The following KISS1R variants were observed in gnomAD, a reference collection of about 807,000 sequenced individuals.
The protein encoded by KISS1R is KISS1 receptor.
A neutral mutation model predicts 22.0 loss-of-function variants in KISS1R; 19 were observed. The observed-to-expected ratio is 0.86, with a 90% confidence interval of 0.60 to 1.26. KISS1R has a LOEUF of 1.26. Among genes scored for constraint, KISS1R ranks in the 50% most tolerant of loss-of-function variants. The pLI is 0.00. For synonymous variants in KISS1R, 302 were observed against 283.9 expected (o/e 1.06, Z -0.64); for missense variants, 653 against 581.9 (o/e 1.12, Z -1.26).
chr19:920,123 G>A lies in KISS1R; in HGVS notation c.738+17G>A, dbSNP rs933708352. 1.0e-5 allele frequency: 15 copies of A among 1,488,188 alleles called. No homozygotes were observed. In the East Asian group the frequency reaches 3.6e-4, roughly 36 times the overall value. 92.2% of individuals were successfully genotyped at this position (1,488,188 alleles called of 1,614,324 possible). ...GCCCTGCAGGTGCGCGGCGTGGGTG[G>A]GAGGACAGCAAGGCTGGGCGGGCGG... On this transcript the variant is annotated intron_variant, in intron 4 of 4. Transcript: ENST00000234371.
rs2037065549 is a variant in KISS1R, at chr19:917,499, G to A, written c.-4G>A. 1.4e-6 allele frequency: 2 copies of A among 1,458,640 alleles called. No individual in the cohort carries two copies. The highest frequency in any genetic ancestry group is 2.7e-5 in the South Asian group (2 of 73,992). The allele number at this position is 1,458,640 out of a possible 1,614,324, so 90.4% of individuals were successfully genotyped here. A position where few individuals can be genotyped will look rare whatever the true frequency, so the allele number is the denominator to read the frequency against. On this transcript the variant is annotated 5_prime_UTR_variant, in exon 1 of 5. Coordinates refer to ENST00000234371, the MANE Select transcript of KISS1R (RefSeq NM_032551.5). The stretch of plus-strand genomic sequence containing the variant: ...GCGGCCGGGAGGAGGAGGTGCGCGC[G>A]GCCATGCACACCGTGGCTACGTCCG...
rs1276848148 is a variant in KISS1R, at chr19:920,110, C to A, written c.738+4C>A. On this transcript the variant is annotated splice_donor_region_variant and intron_variant, in intron 4 of 4. Coordinates refer to ENST00000234371, the MANE Select transcript of KISS1R (RefSeq NM_032551.5). ...GCCCGCCGATAGCGCCCTGCAGGTG[C>A]GCGGCGTGGGTGGGAGGACAGCAAG... 6.7e-7 allele frequency: 1 copy of A among 1,495,996 alleles called. No individual in the cohort carries two copies. Among genetic ancestry groups the A allele is most frequent in the Non-Finnish European group, 8.8e-7 (1 of 1,131,152 alleles). The allele number at this position is 1,495,996 out of a possible 1,614,324, so 92.7% of individuals were successfully genotyped here. A position where few individuals can be genotyped will look rare whatever the true frequency, so the allele number is the denominator to read the frequency against.
Position 920,069 on chromosome 19 carries a change from T to C in KISS1R, c.701T>C (p.Val234Ala), listed in dbSNP as rs1312068530. The change falls in exon 4 of 5, where the codon GTC becomes GCC. Residue 234 changes from valine to alanine, a missense_variant. Val to Ala is a moderately conservative substitution (Grantham distance 64). Coordinates refer to ENST00000234371, the MANE Select transcript of KISS1R (RefSeq NM_032551.5). ...YAAMLRHLGR[V>A]AVRPAPADSA... is the part of the protein sequence containing the mutation. ...GCCATGCTGCGCCACCTGGGCCGGG[T>C]CGCCGTGCGCCCCGCGCCCGCCGAT... 2 of 1,523,206 alleles carry C rather than the reference T, an allele frequency of 1.3e-6. No individual in the cohort carries two copies. Among genetic ancestry groups the C allele is most frequent in the Non-Finnish European group, 8.8e-7 (1 of 1,141,726 alleles). The allele number at this position is 1,523,206 out of a possible 1,614,324, so 94.4% of individuals were successfully genotyped here. A position where few individuals can be genotyped will look rare whatever the true frequency, so the allele number is the denominator to read the frequency against.
rs763274362 is a variant in KISS1R, at chr19:917,480, G to C, written c.-23G>C. 7 of 1,441,778 alleles carry C rather than the reference G, an allele frequency of 4.9e-6. 1 individual carries two copies. The highest frequency in any genetic ancestry group is 4.2e-5 in the South Asian group (3 of 71,156). 89.3% of individuals were successfully genotyped at this position (1,441,778 alleles called of 1,614,324 possible). On this transcript the variant is annotated 5_prime_UTR_variant, in exon 1 of 5. Coordinates refer to ENST00000234371, the MANE Select transcript of KISS1R (RefSeq NM_032551.5). ...CAGGGCGCAATCCTGGAGGGCGGCC[G>C]GGAGGAGGAGGTGCGCGCGGCCATG... is the stretch of plus-strand genomic sequence containing the variant.
At chr19:919,445 C>T (rs1434765406) in intron 2 of KISS1R, 45 bp from the exon 3 acceptor site, 2 of 1,537,256 alleles carry the variant, frequency 1.3e-6, no homozygotes, top group Admixed American at 1.9e-5. Context: ...AGGGCAGGCT[C>T]CCAACCGCGC....
chr19:920,404 C>T lies in KISS1R; in HGVS notation c.853C>T (p.Leu285=), dbSNP rs371474763. The T allele has an allele frequency of 2.5e-6, 4 of 1,603,428 alleles. No individual in the cohort carries two copies. The highest frequency in any genetic ancestry group is 1.3e-5 in the African/African-American group (1 of 74,364). Residue 285 remains leucine, a synonymous_variant, in exon 5 of 5, where the codon CTG becomes TTG. Transcript: ENST00000234371. ...CWGPIQLFLV[L]QALGPAGSWH... ...GGGCCCCATCCAGCTGTTCCTGGTG[C>T]TGCAGGCGCTGGGCCCCGCGGGCTC...
In KISS1R at chr19:917,751, G is replaced by A. The variant is rs773348710; in HGVS notation, c.244+5G>A. On this transcript the variant is annotated splice_donor_5th_base_variant and intron_variant, in intron 1 of 4. Transcript: ENST00000234371. ...CCGTGACCAACTTCTACATCGGTGA[G>A]TGCGGGCGCTGCGCCGCACCTGCTG... The A allele has an allele frequency of 5.0e-6, 8 of 1,596,840 alleles. No homozygotes were observed. The highest frequency in any genetic ancestry group is 1.7e-5 in the Admixed American group (1 of 59,126).
At position 920,727 on chromosome 19, in the gene KISS1R, G is replaced by A. The variant is rs1458603042; in HGVS notation, c.1176G>A (p.Gly392=). The change falls in exon 5 of 5, where the codon GGG becomes GGA. Residue 392 remains glycine, a synonymous_variant. Coordinates refer to ENST00000234371, the MANE Select transcript of KISS1R (RefSeq NM_032551.5). ...CCGCGCGCGGGCTGTGCGTCCTGGG[G>A]GAGGACAACGCCCCTCTCTGAGCGG... The part of the protein sequence containing the change: ...GLAARGLCVL[G]EDNAPL The A allele has an allele frequency of 3.9e-6, 5 of 1,297,180 alleles. No homozygotes were observed. In the East Asian group the frequency reaches 8.7e-5, roughly 23 times the overall value. The allele number at this position is 1,297,180 out of a possible 1,614,324, so 80.4% of individuals were successfully genotyped here.
intron 1 of KISS1R, 124 bp from the exon 2 acceptor site, chr19:918,418 GGC>G: frequency 1.8e-6 from 2 of 1,120,118 alleles, no homozygotes; most frequent in Non-Finnish European, 2.5e-6. Context: ...GGGAGGGGGG[GGC>G]CTCCCTGAGC....
Position 919,490 on chromosome 19 carries a change from G to T in KISS1R, c.370G>T (p.Val124Phe). The T allele has an allele frequency of 1.3e-6, 2 of 1,549,190 alleles. No homozygotes were observed. Among genetic ancestry groups the T allele is most frequent in the Non-Finnish European group, 1.7e-6 (2 of 1,153,398 alleles). Residue 124 changes from valine (V) to phenylalanine (F), a missense_variant and splice_region_variant, in exon 3 of 5, where the codon GTC (valine) becomes TTC (phenylalanine). Val to Phe is a conservative substitution (Grantham distance 50). Transcript: ENST00000234371. Reference protein sequence around the residue: ...MCKFVNYIQQVSVQATCATLT... With the variant: ...MCKFVNYIQQFSVQATCATLT... ...CACGCCCGGCTGGCGGCTCCCGCAG[G>T]TCTCGGTGCAGGCCACGTGTGCCAC... is the stretch of plus-strand genomic sequence containing the variant.
intron 1 of KISS1R, 57 bp downstream of exon 1, chr19:917,803 C>G (rs763734742): frequency 6.5e-7 from 1 of 1,528,216 alleles, no homozygotes; most frequent in South Asian, 1.2e-5. Context: ...GAGGGCCGAG[C>G]GGCCTGGGGC....
Position 917,708 on chromosome 19 carries a change from G to A in KISS1R, c.206G>A (p.Arg69His), listed in dbSNP as rs1026059507. The change falls in exon 1 of 5, where the codon CGC becomes CAC. Residue 69 changes from arginine to histidine, a missense_variant. By Grantham distance (29) the Arg-to-His change is conservative. Coordinates refer to ENST00000234371, the MANE Select transcript of KISS1R (RefSeq NM_032551.5). Reference sequence around the variant, plus strand: ...TCGCTGGTCATCTACGTCATCTGCCGCCACAAGCCGATGCGGACCGTGACC... The same window carrying A: ...TCGCTGGTCATCTACGTCATCTGCCACCACAAGCCGATGCGGACCGTGACC... ...GNSLVIYVIC[R>H]HKPMRTVTNF... The A allele has an allele frequency of 1.2e-6, 2 of 1,601,080 alleles. No homozygotes were observed. Among genetic ancestry groups the A allele is most frequent in the African/African-American group, 1.3e-5 (1 of 74,632 alleles).
Position 918,651 on chromosome 19 carries a change from G to C in KISS1R, c.352G>C (p.Val118Leu), listed in dbSNP as rs1356423815. 1.9e-6 allele frequency: 3 copies of C among 1,550,816 alleles called. No individual in the cohort carries two copies. Among genetic ancestry groups the C allele is most frequent in the South Asian group, 1.2e-5 (1 of 84,082 alleles). Reference sequence around the variant, plus strand: ...GCTGGGCGACTTCATGTGCAAGTTCGTCAACTACATCCAGCAGGTGCGCTC... The same window carrying C: ...GCTGGGCGACTTCATGTGCAAGTTCCTCAACTACATCCAGCAGGTGCGCTC... ...WVLGDFMCKF[V>L]NYIQQVSVQA... is the part of the protein sequence containing the mutation. Residue 118 changes from valine (V) to leucine (L), a missense_variant, in exon 2 of 5, where the codon GTC (valine) becomes CTC (leucine). Transcript: ENST00000234371.
chr19:920,626 C>G lies in KISS1R; in HGVS notation c.1075C>G (p.Pro359Ala). The G allele has an allele frequency of 7.3e-7, 1 of 1,368,028 alleles. No homozygotes were observed. The allele number at this position is 1,368,028 out of a possible 1,614,324, so 84.7% of individuals were successfully genotyped here. A position where few individuals can be genotyped will look rare whatever the true frequency, so the allele number is the denominator to read the frequency against. Residue 359 changes from proline to alanine, a missense_variant, in exon 5 of 5, where the codon CCA becomes GCA. Transcript: ENST00000234371. ...GCCCGGACCCTCGGACCCCGCAGCCCCACACGCGGAGCTGCTCCGCCTGGG... is the reference window on the plus strand; with the variant it reads ...GCCCGGACCCTCGGACCCCGCAGCCGCACACGCGGAGCTGCTCCGCCTGGG... ...RRPGPSDPAA[P>A]HAELLRLGSH...
chr19:920,074 G>T lies in KISS1R; in HGVS notation c.706G>T (p.Val236Leu), dbSNP rs576165678. 4.3e-5 allele frequency: 65 copies of T among 1,516,326 alleles called. No individual in the cohort carries two copies. In the South Asian group the frequency reaches 7.7e-4, roughly 18 times the overall value. 93.9% of individuals were successfully genotyped at this position (1,516,326 alleles called of 1,614,324 possible). A position where few individuals can be genotyped will look rare whatever the true frequency, so the allele number is the denominator to read the frequency against. The change falls in exon 4 of 5, where the codon GTG becomes TTG. Residue 236 changes from valine to leucine, a missense_variant. Physicochemically the swap from Val to Leu is conservative, Grantham distance 32 (BLOSUM62 1). Coordinates refer to ENST00000234371, the MANE Select transcript of KISS1R (RefSeq NM_032551.5). ...GCTGCGCCACCTGGGCCGGGTCGCC[G>T]TGCGCCCCGCGCCCGCCGATAGCGC... ...AMLRHLGRVA[V>L]RPAPADSALQ...
intron 1 of KISS1R, among the ~76,000 whole-genome samples, chr19:918,157 A>G (rs2037075117): frequency 6.6e-6 from 1 of 151,968 alleles, no homozygotes; most frequent in African/African-American, 2.4e-5. Context: ...GGGGTCCCCT[A>G]TCACACACAG....
chr19:917,912 A>C (rs2037072168), intron 1 of KISS1R, among the ~76,000 whole-genome samples, 166 bp downstream of exon 1: 1 of 151,786 alleles, frequency 6.6e-6, no homozygotes, highest in Non-Finnish European at 1.5e-5. Flanking sequence ...CCTGCACCTG[A>C]GGCTAGAGGT....
At chr19:917,782 C>T (rs763822876) in intron 1 of KISS1R, 36 bp downstream of exon 1, 1 of 1,575,564 alleles carries the variant, frequency 6.3e-7, no homozygotes, top group South Asian at 1.1e-5. Flanking sequence ...TGCTGCCGTC[C>T]CGGGGGCTCC....
chr19:918,509 C>T, intron 1 of KISS1R, 35 bp from the exon 2 acceptor site: 1 of 1,538,366 alleles, frequency 6.5e-7, no homozygotes, highest in African/African-American at 1.4e-5. Flanking sequence ...CGGCCAGTGG[C>T]GCCCACGCCC....
Sources: gnomAD v4.1 joint callset for allele counts (sites outside exome capture counted in the v4.1 genomes callset) on GRCh38, gnomAD v4.1.1 for gene constraint, MANE v1.5 for transcripts, NCBI Gene and HGNC (gene_info 2026-07-23, HGNC 2026-07-21) for gene names.